The following TENM3 variants were observed in gnomAD, a reference collection of about 807,000 sequenced individuals.
TENM3 encodes the protein teneurin transmembrane protein 3.
A neutral mutation model predicts 255.1 loss-of-function variants in TENM3; 63 were observed. That is an observed-to-expected ratio of 0.25 (90% CI 0.20 to 0.30). The LOEUF is 0.30. Ranked by LOEUF, TENM3 falls within the 10% of genes least tolerant of loss-of-function variation. The probability of loss-of-function intolerance (pLI) is 1.00; values close to 1 mark genes in which losing one functional copy is unlikely to be tolerated. For missense variants in TENM3, 2,929 were observed against 3,461.1 expected, an observed-to-expected ratio of 0.85 and a Z score of 3.86; for synonymous variants, 1,306 against 1,322.3, an observed-to-expected ratio of 0.99 and a Z score of 0.27.
At chr4:182,162,180 C>T (rs113800240) in intron 1 of TENM3, among the ~76,000 whole-genome samples, 218 of 151,758 alleles carry the variant, frequency 1.4e-3, no homozygotes, top group African/African-American at 4.7e-3. Context: ...CCACACCTGG[C>T]GAATTTCTTA....
the TENM3 span, among the ~76,000 whole-genome samples, chr4:181,971,252 G>C: frequency 2.0e-5 from 3 of 152,202 alleles, no homozygotes; most frequent in Non-Finnish European, 4.4e-5. Flanking sequence ...AGGCAAGCAG[G>C]AATTAGGTCT....
the TENM3 span, among the ~76,000 whole-genome samples, chr4:181,845,499 T>G: frequency 6.6e-6 from 1 of 152,146 alleles, no homozygotes; most frequent in Non-Finnish European, 1.5e-5. Context: ...ATATATTATA[T>G]CTCTAATATA....
At chr4:182,550,499 G>C (rs911252595) in intron 3 of TENM3, among the ~76,000 whole-genome samples, 8 of 152,170 alleles carry the variant, frequency 5.3e-5, no homozygotes, top group Admixed American at 4.6e-4. Flanking sequence ...ATCCTTTGCA[G>C]ATGTTAATTT....
At chr4:182,767,269 G>A (rs943532812) in intron 22 of TENM3, among the ~76,000 whole-genome samples, 9 of 152,116 alleles carry the variant, frequency 5.9e-5, no homozygotes, top group Admixed American at 3.3e-4. Context: ...TTAAGATTCC[G>A]CATCAGCCCG....
chr4:182,223,628 T>C (rs185084342), intron 1 of TENM3, among the ~76,000 whole-genome samples: 12 of 152,196 alleles, frequency 7.9e-5, no homozygotes, highest in African/African-American at 2.9e-4. Context: ...TTTATATAAA[T>C]GAGAAAACTG....
chr4:181,995,294 A>G, the TENM3 span, among the ~76,000 whole-genome samples: 1 of 145,490 alleles, frequency 6.9e-6, no homozygotes, highest in Non-Finnish European at 1.5e-5. Context: ...TGTCTCAAAC[A>G]AAAAAAAAAA....
At chr4:182,426,020 A>T (rs1282307006) in intron 3 of TENM3, among the ~76,000 whole-genome samples, 3 of 151,566 alleles carry the variant, frequency 2.0e-5, no homozygotes, top group Non-Finnish European at 4.4e-5. Flanking sequence ...AAAAAAAAAA[A>T]AAAAAAAAAA....
At chr4:182,624,254 T>G (rs1386597115) in intron 4 of TENM3, among the ~76,000 whole-genome samples, 1 of 152,258 alleles carries the variant, frequency 6.6e-6, no homozygotes, top group Non-Finnish European at 1.5e-5. Context: ...TTTCTGACAT[T>G]TTGGGTATAT....
chr4:182,003,213 T>C, the TENM3 span, among the ~76,000 whole-genome samples: 1 of 152,090 alleles, frequency 6.6e-6, no homozygotes. Context: ...CTAATTACAA[T>C]TATATTTTAT....
At chr4:181,916,528 G>C in the TENM3 span, among the ~76,000 whole-genome samples, 1 of 152,172 alleles carries the variant, frequency 6.6e-6, no homozygotes, top group African/African-American at 2.4e-5. Flanking sequence ...CTAGTAAAAG[G>C]GTTATTGAAA....
At chr4:182,448,417 C>G (rs866177835) in intron 3 of TENM3, among the ~76,000 whole-genome samples, 26 of 152,084 alleles carry the variant, frequency 1.7e-4, no homozygotes, top group African/African-American at 4.1e-4. Context: ...GCCTGGCAGG[C>G]AGCGCGTCCC....
At chr4:181,582,719 G>A in the TENM3 span, among the ~76,000 whole-genome samples, 4 of 151,564 alleles carry the variant, frequency 2.6e-5, no homozygotes, top group African/African-American at 7.3e-5. Flanking sequence ...ACTCCTTTGC[G>A]GTTAGTGAGA....
the TENM3 span, among the ~76,000 whole-genome samples, chr4:181,882,871 T>A: frequency 6.6e-6 from 1 of 152,152 alleles, no homozygotes; most frequent in Non-Finnish European, 1.5e-5. Context: ...CTTATAATCA[T>A]CAGATTAAGC....
chr4:182,517,370 A>C (rs988648017), intron 3 of TENM3, among the ~76,000 whole-genome samples: 1 of 149,306 alleles, frequency 6.7e-6, no homozygotes, highest in African/African-American at 2.5e-5. Flanking sequence ...AAAAAAAACA[A>C]AGTTCATTCT....
the TENM3 span, among the ~76,000 whole-genome samples, chr4:182,101,665 C>T: frequency 7.2e-5 from 11 of 152,122 alleles, no homozygotes; most frequent in South Asian, 1.7e-3. Flanking sequence ...ACAAAGTTCC[C>T]GTGAGACAGG....
intron 12 of TENM3, among the ~76,000 whole-genome samples, chr4:182,688,790 C>T (rs1217855976): frequency 1.3e-5 from 2 of 152,074 alleles, no homozygotes; most frequent in Non-Finnish European, 2.9e-5. Context: ...TAGACTTGTC[C>T]ATATCTTGAG....
intron 5 of TENM3, among the ~76,000 whole-genome samples, chr4:182,632,119 G>A (rs1751426110): frequency 6.6e-6 from 1 of 152,092 alleles, no homozygotes; most frequent in South Asian, 2.1e-4. Context: ...ACAGCTAGAG[G>A]TCCATATTTT....
the TENM3 span, among the ~76,000 whole-genome samples, chr4:181,677,120 T>C: frequency 4.6e-5 from 7 of 151,814 alleles, no homozygotes; most frequent in Non-Finnish European, 7.4e-5. Flanking sequence ...TTGTTTCCCA[T>C]AGAGAATTCT....
intron 3 of TENM3, among the ~76,000 whole-genome samples, chr4:182,407,318 T>A (rs1769650740): frequency 6.6e-6 from 1 of 152,244 alleles, no homozygotes; most frequent in Non-Finnish European, 1.5e-5. Flanking sequence ...TAATAAGACG[T>A]ATATTCATTT....
Sources: gnomAD v4.1 joint callset for allele counts (sites outside exome capture counted in the v4.1 genomes callset) on GRCh38, gnomAD v4.1.1 for gene constraint, MANE v1.5 for transcripts, NCBI Gene and HGNC (gene_info 2026-07-23, HGNC 2026-07-21) for gene names.